Variants in GRM4 observed in about 807,000 individuals in gnomAD.
GRM4 encodes glutamate metabotropic receptor 4, also known as metabotropic glutamate receptor 4.
A neutral mutation model predicts 81.7 loss-of-function variants in GRM4; 28 were observed. The observed-to-expected ratio is 0.34, with a 90% CI of 0.25 to 0.47. The LOEUF (loss-of-function observed/expected upper bound fraction) is 0.47. Ranked by LOEUF, GRM4 falls within the 20% of genes least tolerant of loss-of-function variation. The pLI is 1.00. For missense variants in GRM4, 948 were observed against 1,290.0 expected (o/e 0.73, Z 4.06); for synonymous variants, 488 against 528.8 (o/e 0.92, Z 1.06).
chr6:34,112,242 A>T (rs1447615352), intron 2 of GRM4, among the ~76,000 whole-genome samples: 3 of 152,204 alleles, frequency 2.0e-5, no homozygotes, highest in African/African-American at 4.8e-5. Flanking sequence ...AATTAAATTA[A>T]ATAGCCCCTT....
rs1356525689 is a variant in GRM4, at chr6:34,047,398, T to C, written c.1169-6650A>G. Among the ~76,000 whole-genome samples the C allele has an allele frequency of 6.6e-6, 1 of 152,138 alleles. No individual in the cohort carries two copies. The highest frequency in any genetic ancestry group is 2.4e-5 in the African/African-American group (1 of 41,426). On this transcript the variant is annotated intron_variant, in intron 6 of 10. Transcript: ENST00000538487. This position sits in a 1 kb window ranked among gnomAD's most constrained non-coding sequence, Gnocchi z 4.5. ...GGTGGAGAAAGCTGCCACTCTGTGC[T>C]TCCTCAGACATTCAGTTCCTTCTGT... is the stretch of plus-strand genomic sequence containing the variant.
At chr6:34,145,785 G>A (rs919184228) in intron 1 of GRM4, among the ~76,000 whole-genome samples, 1 of 152,186 alleles carries the variant, frequency 6.6e-6, no homozygotes, top group African/African-American at 2.4e-5. Flanking sequence ...TGCGGGCCAA[G>A]CTCACGGCGC....
chr6:34,091,226 C>T (rs924443978), intron 3 of GRM4, among the ~76,000 whole-genome samples: 1 of 152,224 alleles, frequency 6.6e-6, no homozygotes, highest in Non-Finnish European at 1.5e-5. Context: ...TGTTATCGCT[C>T]AGCCACTTAT....
At position 34,152,151 on chromosome 6, in the gene GRM4, G is replaced by A. The variant is rs758768547; in HGVS notation, c.312+2928C>T. ...GTCCCCCTACCACACTCTAGCCTTGGTTCTACTTAGGAAACTCCATGGACA... is the reference window on the plus strand; with the variant it reads ...GTCCCCCTACCACACTCTAGCCTTGATTCTACTTAGGAAACTCCATGGACA... On this transcript the variant is annotated intron_variant, in intron 1 of 8. Transcript: ENST00000374177. This position sits in a 1 kb window ranked among gnomAD's most constrained non-coding sequence, Gnocchi z 4.1. Among the ~76,000 whole-genome samples the A allele has an allele frequency of 7.9e-4, 120 of 152,132 alleles. No individual in the cohort carries two copies. The highest frequency in any genetic ancestry group is 2.7e-3 in the African/African-American group (112 of 41,518).
At chr6:34,053,505 G>T (rs189497601) in intron 6 of GRM4, among the ~76,000 whole-genome samples, 1 of 152,338 alleles carries the variant, frequency 6.6e-6, no homozygotes, top group Admixed American at 6.5e-5. Flanking sequence ...CAGGGACTCT[G>T]ACCTGTCTCT....
At chr6:34,109,492 G>C (rs1320215607) in intron 2 of GRM4, among the ~76,000 whole-genome samples, 1 of 152,164 alleles carries the variant, frequency 6.6e-6, no homozygotes, top group African/African-American at 2.4e-5. Context: ...GGCACGGCCA[G>C]GCCTCCCGGG....
chr6:34,143,394 C>G (rs1020507719), intron 1 of GRM4, among the ~76,000 whole-genome samples: 1 of 152,148 alleles, frequency 6.6e-6, no homozygotes, highest in South Asian at 2.1e-4. Context: ...CACTCTCCAC[C>G]GCAGCCAGGC....
chr6:34,025,015 A>C (rs1764061177), intron 10 of GRM4, among the ~76,000 whole-genome samples: 1 of 152,102 alleles, frequency 6.6e-6, no homozygotes, highest in Non-Finnish European at 1.5e-5. Flanking sequence ...GCAGGTGCTG[A>C]GAGGGAGATG....
intron 10 of GRM4, among the ~76,000 whole-genome samples, 189 bp downstream of exon 10, chr6:34,027,931 T>C (rs530070037): frequency 4.6e-5 from 7 of 152,258 alleles, no homozygotes; most frequent in African/African-American, 1.7e-4. Context: ...TCTAATGTGG[T>C]GCCTCAGGGC....
At chr6:34,103,592 T>G in intron 2 of GRM4, 3 of 1,534,760 alleles carry the variant, frequency 2.0e-6, no homozygotes, top group African/African-American at 1.4e-5. Context: ...TTTGCAGGTT[T>G]TACATGCTGA....
chr6:34,119,870 T>A (rs1003428334), intron 2 of GRM4, among the ~76,000 whole-genome samples: 1 of 152,150 alleles, frequency 6.6e-6, no homozygotes, highest in Non-Finnish European at 1.5e-5. Flanking sequence ...GCCATATATA[T>A]GCATTTAATC....
chr6:34,094,986 G>A (rs1022003280), intron 2 of GRM4, among the ~76,000 whole-genome samples: 11 of 152,218 alleles, frequency 7.2e-5, no homozygotes, highest in African/African-American at 2.4e-4. Context: ...TGTGGGGCCA[G>A]ACTCGTTAGA....
chr6:34,144,256 C>T (rs766050998), intron 1 of GRM4, among the ~76,000 whole-genome samples: 1 of 152,202 alleles, frequency 6.6e-6, no homozygotes, highest in Non-Finnish European at 1.5e-5. Context: ...CTCTCGCAGT[C>T]GAGGCCTCCA....
At chr6:34,050,015 A>C (rs1765534821) in intron 6 of GRM4, among the ~76,000 whole-genome samples, 2 of 152,140 alleles carry the variant, frequency 1.3e-5, no homozygotes, top group African/African-American at 4.8e-5. Context: ...ATTCTGCATA[A>C]AAAACTAAAT....
At position 34,078,675 on chromosome 6, in the gene GRM4, C is replaced by T. The variant is rs1024665887; in HGVS notation, c.736+13208G>A. Among the ~76,000 whole-genome samples the T allele has an allele frequency of 6.6e-6, 1 of 152,056 alleles. No individual in the cohort carries two copies. Among genetic ancestry groups the T allele is most frequent in the African/African-American group, 2.4e-5 (1 of 41,376 alleles). On this transcript the variant is annotated intron_variant, in intron 3 of 10. Coordinates refer to ENST00000538487, the MANE Select transcript of GRM4 (RefSeq NM_000841.4). This position sits in a 1 kb window ranked among gnomAD's most constrained non-coding sequence, Gnocchi z 4.8. ...CCCCTGTCCCGCACCCCTCCGCAGC[C>T]CCTACTGCGTGGCCCTCTGTTCACT...
rs1491538882 is a variant in GRM4, at chr6:34,069,165, T to TAAAC, written c.737-7138_737-7137insGTTT. ...AGCTACCCCTGGACCCTCATGGGCGTATACACACACACACACACACACACA... is the reference window on the plus strand; with the variant it reads ...AGCTACCCCTGGACCCTCATGGGCGTAAACATACACACACACACACACACACACA... On this transcript the variant is annotated intron_variant, in intron 3 of 10. Transcript: ENST00000538487. The surrounding 1 kb of genome is among the most constrained non-coding windows in gnomAD (Gnocchi z 6.4). Among the ~76,000 whole-genome samples the TAAAC allele has an allele frequency of 9.1e-6, 1 of 109,624 alleles. No individual in the cohort carries two copies. Among genetic ancestry groups the TAAAC allele is most frequent in the Non-Finnish European group, 1.8e-5 (1 of 55,012 alleles). 71.9% of individuals were successfully genotyped at this position (109,624 alleles called of 152,430 possible).
At chr6:34,127,069 T>C (rs1770050156) in intron 2 of GRM4, among the ~76,000 whole-genome samples, 1 of 152,226 alleles carries the variant, frequency 6.6e-6, no homozygotes, top group South Asian at 2.1e-4. Context: ...CATAAAGGCC[T>C]TTTTTAGCTC....
chr6:34,085,279 G>A (rs972610139), intron 3 of GRM4, among the ~76,000 whole-genome samples: 11 of 152,298 alleles, frequency 7.2e-5, no homozygotes, highest in African/African-American at 2.6e-4. Context: ...TGTCCCCCAG[G>A]GCAGCAGCAC....
Position 34,091,891 on chromosome 6 carries a change from C to T in GRM4, c.728G>A (p.Arg243His), listed in dbSNP as rs537259785. The change falls in exon 3 of 11, where the codon CGT becomes CAT. Residue 243 changes from arginine to histidine, a missense_variant. Physicochemically the swap from Arg to His is conservative, Grantham distance 29. Coordinates refer to ENST00000538487, the MANE Select transcript of GRM4 (RefSeq NM_000841.4). ...SGVEAFIQKS[R>H]EDGGVCIAQS... Reference sequence around the variant, plus strand: ...CCAGGCGTTTGACTCACCGTCCTCACGGGACTTCTGGATGAAGGCCTCCAC... The same window carrying T: ...CCAGGCGTTTGACTCACCGTCCTCATGGGACTTCTGGATGAAGGCCTCCAC... 6 of 1,611,744 alleles carry T rather than the reference C, an allele frequency of 3.7e-6. No homozygotes were observed. Among genetic ancestry groups the T allele is most frequent in the Admixed American group, 1.7e-5 (1 of 59,984 alleles).
Sources: allele counts gnomAD v4.1 joint callset (sites outside exome capture counted in the v4.1 genomes callset), GRCh38; gene constraint gnomAD v4.1.1; non-coding constraint Gnocchi (gnomAD v3.1); transcripts MANE v1.5; gene names NCBI Gene and HGNC (gene_info 2026-07-23, HGNC 2026-07-21).